Variants in ASPRV1 observed in about 807,000 individuals in gnomAD.
ASPRV1 encodes the protein aspartic peptidase retroviral like 1, also known as retroviral-like aspartic protease 1.
ASPRV1 carries 7 observed loss-of-function variants against 11.0 expected under a neutral mutation model. The observed-to-expected ratio is 0.64, with a 90% CI of 0.36 to 1.20. The LOEUF (loss-of-function observed/expected upper bound fraction) is 1.20, where lower values mean the gene tolerates loss of function less well. ASPRV1 is among the 50% of genes most tolerant of loss of function. The pLI is 0.02. For missense variants in ASPRV1, 299 were observed against 320.0 expected (o/e 0.93, Z 0.50); for synonymous variants, 136 against 138.4 (o/e 0.98, Z 0.12).
the ASPRV1 span, among the ~76,000 whole-genome samples, chr2:70,027,434 A>G: frequency 4.6e-5 from 7 of 152,154 alleles, no homozygotes; most frequent in Admixed American, 4.6e-4. Flanking sequence ...CAGTATATTA[A>G]AGAGATATCT....
At chr2:70,076,701 C>A in the ASPRV1 span, among the ~76,000 whole-genome samples, 1 of 152,172 alleles carries the variant, frequency 6.6e-6, no homozygotes, top group Non-Finnish European at 1.5e-5. Flanking sequence ...TCTAGCTTGG[C>A]AAAATCATCT....
the ASPRV1 span, among the ~76,000 whole-genome samples, chr2:70,078,372 T>C: frequency 6.6e-6 from 1 of 152,044 alleles, no homozygotes; most frequent in African/African-American, 2.4e-5. Context: ...TGCTAAATAA[T>C]GAACAATGAA....
At chr2:69,999,035 A>G in the ASPRV1 span, among the ~76,000 whole-genome samples, 1 of 152,328 alleles carries the variant, frequency 6.6e-6, no homozygotes, top group African/African-American at 2.4e-5. Flanking sequence ...GGTCAATGAC[A>G]GTGAGTTAAC....
chr2:70,019,599 C>A, the ASPRV1 span, among the ~76,000 whole-genome samples: 3 of 152,148 alleles, frequency 2.0e-5, no homozygotes, highest in African/African-American at 7.2e-5. Flanking sequence ...GAAGGAAATC[C>A]TGTCGTTTGT....
At chr2:70,060,970 C>T in the ASPRV1 span, among the ~76,000 whole-genome samples, 2 of 152,236 alleles carry the variant, frequency 1.3e-5, no homozygotes, top group African/African-American at 2.4e-5. Context: ...CCTCACAGAG[C>T]TTAAAACCCA....
the ASPRV1 span, chr2:70,069,080 T>C: frequency 6.6e-6 from 1 of 152,210 alleles, no homozygotes; most frequent in Non-Finnish European, 1.5e-5. Context: ...TGGTCATGTT[T>C]TCCTGGTTAC....
chr2:69,989,219 C>T, the ASPRV1 span, among the ~76,000 whole-genome samples: 3 of 152,250 alleles, frequency 2.0e-5, no homozygotes, highest in African/African-American at 4.8e-5. Context: ...GGCTGAGTCA[C>T]CTCTGGTCTT....
the ASPRV1 span, chr2:70,029,969 T>C: frequency 6.6e-6 from 1 of 152,344 alleles, no homozygotes; most frequent in East Asian, 1.9e-4. Flanking sequence ...TGCTCTGTTT[T>C]CAAGATTTGG....
chr2:70,065,196 C>A, the ASPRV1 span, among the ~76,000 whole-genome samples: 2 of 151,676 alleles, frequency 1.3e-5, no homozygotes, highest in Non-Finnish European at 2.9e-5. Context: ...ATCATGAGGT[C>A]AGGAGATCGA....
chr2:69,997,431 T>C, the ASPRV1 span, among the ~76,000 whole-genome samples: 1 of 152,086 alleles, frequency 6.6e-6, no homozygotes, highest in East Asian at 1.9e-4. Flanking sequence ...CCACTTCTCT[T>C]CCTGTAGTCC....
chr2:70,047,645 C>A, the ASPRV1 span, among the ~76,000 whole-genome samples: 9 of 152,204 alleles, frequency 5.9e-5, no homozygotes, highest in African/African-American at 1.9e-4. Flanking sequence ...TCTGACACTG[C>A]ATGAAAAGTA....
chr2:70,082,531 A>G, the ASPRV1 span, among the ~76,000 whole-genome samples: 1 of 152,192 alleles, frequency 6.6e-6, no homozygotes, highest in Non-Finnish European at 1.5e-5. Context: ...ACCAACATGG[A>G]GAAACTCCGT....
the ASPRV1 span, among the ~76,000 whole-genome samples, chr2:69,995,676 G>A: frequency 1.3e-5 from 2 of 152,126 alleles, no homozygotes; most frequent in Admixed American, 1.3e-4. Flanking sequence ...GGGGCTTGCT[G>A]TGGTGGGAGC....
At chr2:70,023,901 G>C in the ASPRV1 span, among the ~76,000 whole-genome samples, 2 of 151,710 alleles carry the variant, frequency 1.3e-5, no homozygotes, top group African/African-American at 4.8e-5. Flanking sequence ...ACAAACAATA[G>C]AGATGACAAA....
chr2:70,027,060 G>A, the ASPRV1 span, among the ~76,000 whole-genome samples: 9 of 152,046 alleles, frequency 5.9e-5, no homozygotes, highest in South Asian at 1.9e-3. Context: ...ACAACAGCTG[G>A]GCAACATAGT....
chr2:70,053,395 G>A, the ASPRV1 span, among the ~76,000 whole-genome samples: 2 of 152,058 alleles, frequency 1.3e-5, no homozygotes, highest in Non-Finnish European at 2.9e-5. Context: ...TGGAGGCAGG[G>A]CACTCAGGGA....
At chr2:69,956,933 G>A (rs117764327), downstream of ASPRV1, among the ~76,000 whole-genome samples, 41 of 152,192 alleles carry the variant, frequency 2.7e-4, no homozygotes, top group East Asian at 1.9e-3. Context: ...CTGGCCAGGC[G>A]TCCTCAAAAC....
At chr2:70,058,547 A>AG in the ASPRV1 span, among the ~76,000 whole-genome samples, 1 of 151,148 alleles carries the variant, frequency 6.6e-6, no homozygotes. Context: ...TTTACTCTGA[A>AG]GAAATTTTTT....
At chr2:70,079,643 T>C in the ASPRV1 span, among the ~76,000 whole-genome samples, 2 of 152,124 alleles carry the variant, frequency 1.3e-5, no homozygotes, top group African/African-American at 4.8e-5. Context: ...GGGAGTGACA[T>C]CCTGGAAGAC....
Sources: allele counts gnomAD v4.1 joint callset (sites outside exome capture counted in the v4.1 genomes callset), GRCh38; gene constraint gnomAD v4.1.1; transcripts MANE v1.5; gene names NCBI Gene and HGNC (gene_info 2026-07-23, HGNC 2026-07-21).